The following HMCN1 variants were observed in gnomAD, a reference collection of about 807,000 sequenced individuals.
HMCN1 encodes hemicentin 1.
HMCN1 carries 321 observed loss-of-function variants against 625.9 expected under a neutral mutation model. The observed-to-expected ratio is 0.51, with a 90% CI of 0.47 to 0.56. The LOEUF is 0.56. Among genes scored for constraint, HMCN1 ranks in the 20% least tolerant of loss-of-function variants. The pLI, the probability that HMCN1 is intolerant of heterozygous loss-of-function variation, is 0.00. For synonymous variants in HMCN1, 2,425 were observed against 2,417.6 expected (o/e 1.00, Z -0.09); for missense variants, 6,588 against 6,887.3 (o/e 0.96, Z 1.54).
At chr1:186,186,845 A>G (rs778739599) in intron 105 of HMCN1, among the ~76,000 whole-genome samples, 1 of 152,170 alleles carries the variant, frequency 6.6e-6, no homozygotes, top group African/African-American at 2.4e-5. Context: ...CACCAGGGGA[A>G]CGAGGATGCC....
Position 186,016,118 on chromosome 1 carries a change from A to G in HMCN1, c.5070A>G (p.Ile1690Met), listed in dbSNP as rs141581919. Reference protein sequence around the residue: ...VPVKANDNIRIEAGGKKLEIM... With the variant: ...VPVKANDNIRMEAGGKKLEIM... The stretch of plus-strand genomic sequence containing the variant: ...TGAAAGCTAATGACAATATCCGCAT[A>G]GAAGCTGGTGGGAAGAAACTCGAAA... The change falls in exon 32 of 107, where the codon ATA (isoleucine) becomes ATG (methionine). Residue 1690 changes from isoleucine (I) to methionine (M), a missense_variant. Transcript: ENST00000271588. The G allele has an allele frequency of 6.2e-7, 1 of 1,613,528 alleles. No individual in the cohort carries two copies. The highest frequency in any genetic ancestry group is 8.5e-7 in the Non-Finnish European group (1 of 1,179,606).
chr1:185,972,157 C>A (rs1022012945), intron 15 of HMCN1, among the ~76,000 whole-genome samples: 4 of 152,232 alleles, frequency 2.6e-5, no homozygotes, highest in African/African-American at 9.6e-5. Flanking sequence ...GTTTACTCAA[C>A]ATTCTTTTAG....
chr1:185,892,903 C>T (rs1209446676), intron 4 of HMCN1, among the ~76,000 whole-genome samples: 1 of 152,184 alleles, frequency 6.6e-6, no homozygotes, highest in Non-Finnish European at 1.5e-5. Context: ...GGCGCCCCTC[C>T]CCCAGCCTCG....
chr1:185,917,375 C>T (rs140256256), intron 6 of HMCN1, among the ~76,000 whole-genome samples: 238 of 152,230 alleles, frequency 1.6e-3, no homozygotes, highest in South Asian at 3.9e-3. Flanking sequence ...CTGAGAAAGG[C>T]GTTGAACTTG....
chr1:185,763,019 G>A (rs754706470), intron 1 of HMCN1, among the ~76,000 whole-genome samples: 2 of 152,194 alleles, frequency 1.3e-5, no homozygotes, highest in Non-Finnish European at 1.5e-5. Flanking sequence ...GGTTAGGGGC[G>A]TGAGAAGAAC....
At chr1:185,830,323 G>A (rs144251135) in intron 1 of HMCN1, among the ~76,000 whole-genome samples, 4 of 152,142 alleles carry the variant, frequency 2.6e-5, no homozygotes, top group Admixed American at 6.6e-5. Flanking sequence ...GGCTTTGCCC[G>A]TGCCGTATGT....
chr1:185,938,853 G>C (rs1667946533), intron 11 of HMCN1, among the ~76,000 whole-genome samples: 1 of 151,916 alleles, frequency 6.6e-6, no homozygotes, highest in South Asian at 2.1e-4. Flanking sequence ...CAGCCAGCCT[G>C]GTTCCTGTTG....
intron 25 of HMCN1, among the ~76,000 whole-genome samples, chr1:185,998,835 A>C (rs1652984925): frequency 6.6e-6 from 1 of 152,148 alleles, no homozygotes. Context: ...TTGTTCATTT[A>C]CATTTTTATT....
At chr1:186,095,617 G>C in intron 68 of HMCN1, 96 bp downstream of exon 68, 1 of 1,360,926 alleles carries the variant, frequency 7.3e-7, no homozygotes, top group East Asian at 2.4e-5. Context: ...GTTGCTGTGA[G>C]AGAATTTTTT....
intron 32 of HMCN1, among the ~76,000 whole-genome samples, chr1:186,016,541 G>C (rs923703417): frequency 6.6e-6 from 1 of 151,980 alleles, no homozygotes; most frequent in African/African-American, 2.4e-5. Flanking sequence ...TTTGTCATAA[G>C]CATTGTGCCA....
At chr1:186,060,497 T>C (rs908555937) in intron 46 of HMCN1, among the ~76,000 whole-genome samples, 4 of 152,106 alleles carry the variant, frequency 2.6e-5, no homozygotes, top group Admixed American at 1.3e-4. Context: ...CTTTTATCTT[T>C]AAATAGAGTT....
intron 4 of HMCN1, among the ~76,000 whole-genome samples, chr1:185,887,209 C>T (rs1664714595): frequency 6.6e-6 from 1 of 152,070 alleles, no homozygotes; most frequent in Admixed American, 6.6e-5. Flanking sequence ...ACTATTTCTT[C>T]AGAAAATATG....
At chr1:185,793,639 T>C (rs1658152220) in intron 1 of HMCN1, among the ~76,000 whole-genome samples, 2 of 152,220 alleles carry the variant, frequency 1.3e-5, no homozygotes, top group South Asian at 4.1e-4. Flanking sequence ...AATCGTTGAA[T>C]TGTTTTAACT....
chr1:185,766,631 A>G (rs1219288172), intron 1 of HMCN1, among the ~76,000 whole-genome samples: 1 of 152,126 alleles, frequency 6.6e-6, no homozygotes, highest in Non-Finnish European at 1.5e-5. Flanking sequence ...AATACACCTT[A>G]CCTAGGCAGT....
At chr1:186,010,857 C>A (rs988769825) in intron 30 of HMCN1, among the ~76,000 whole-genome samples, 34 of 152,102 alleles carry the variant, frequency 2.2e-4, no homozygotes, top group African/African-American at 8.2e-4. Context: ...AAGAAAGAAA[C>A]AAATTTCTAC....
intron 30 of HMCN1, among the ~76,000 whole-genome samples, chr1:186,014,589 T>C (rs1241225992): frequency 2.0e-5 from 3 of 152,010 alleles, no homozygotes; most frequent in African/African-American, 7.2e-5. Flanking sequence ...AGACTTGTGG[T>C]TGCTGAATTG....
At chr1:186,068,801 G>A (rs1010426297) in intron 50 of HMCN1, among the ~76,000 whole-genome samples, 6 of 150,798 alleles carry the variant, frequency 4.0e-5, no homozygotes, top group South Asian at 4.2e-4. Flanking sequence ...CCTAGGAGGC[G>A]GAGGTTGCAG....
intron 38 of HMCN1, among the ~76,000 whole-genome samples, chr1:186,039,431 C>T (rs1656062128): frequency 6.6e-6 from 1 of 152,072 alleles, no homozygotes; most frequent in Non-Finnish European, 1.5e-5. Flanking sequence ...CACACACACA[C>T]ACGCCTAGAA....
At chr1:185,895,420 T>G (rs1261104760) in intron 4 of HMCN1, among the ~76,000 whole-genome samples, 1 of 152,248 alleles carries the variant, frequency 6.6e-6, no homozygotes, top group Non-Finnish European at 1.5e-5. Context: ...CTCAGGAATG[T>G]TCAGGCCAAG....
Sources: gnomAD v4.1 joint callset for allele counts (sites outside exome capture counted in the v4.1 genomes callset) on GRCh38, gnomAD v4.1.1 for gene constraint, MANE v1.5 for transcripts, NCBI Gene and HGNC (gene_info 2026-07-23, HGNC 2026-07-21) for gene names.